The following GRID2 variants were observed in gnomAD, a reference collection of about 807,000 sequenced individuals.
GRID2 encodes the protein glutamate receptor ionotropic, delta-2.
A neutral mutation model predicts 114.8 loss-of-function variants in GRID2; 33 were observed. The observed-to-expected ratio is 0.29, with a 90% confidence interval of 0.22 to 0.38. GRID2 has a LOEUF of 0.38. Among genes scored for constraint, GRID2 ranks in the 10% least tolerant of loss-of-function variants. The pLI, the probability that GRID2 is intolerant of heterozygous loss-of-function variation, is 1.00. For synonymous variants in GRID2, 505 were observed against 449.9 expected, an observed-to-expected ratio of 1.12 and a Z score of -1.55; for missense variants, 1,184 against 1,257.7, an observed-to-expected ratio of 0.94 and a Z score of 0.89.
chr4:93,205,867 G>A (rs991782040), intron 4 of GRID2, among the ~76,000 whole-genome samples: 1 of 151,970 alleles, frequency 6.6e-6, no homozygotes. Flanking sequence ...CTGTGAGATG[G>A]TATCTCATTG....
At chr4:93,518,775 G>A (rs1372281115) in intron 13 of GRID2, among the ~76,000 whole-genome samples, 1 of 152,084 alleles carries the variant, frequency 6.6e-6, no homozygotes, top group Non-Finnish European at 1.5e-5. Flanking sequence ...GGAGAGGGGA[G>A]AGTATGTGTA....
At chr4:92,955,567 G>C (rs1752340919) in intron 2 of GRID2, among the ~76,000 whole-genome samples, 1 of 151,976 alleles carries the variant, frequency 6.6e-6, no homozygotes, top group Admixed American at 6.6e-5. Flanking sequence ...TTTGTAGGTT[G>C]CCTGTTCTCT....
chr4:92,350,921 T>A (rs878951931), intron 1 of GRID2, among the ~76,000 whole-genome samples: 9 of 151,882 alleles, frequency 5.9e-5, no homozygotes, highest in Non-Finnish European at 8.8e-5. Context: ...AATGGAATCA[T>A]ATAATACGTG....
intron 14 of GRID2, among the ~76,000 whole-genome samples, chr4:93,759,023 A>G (rs1041274719): frequency 5.3e-5 from 8 of 152,032 alleles, no homozygotes; most frequent in African/African-American, 1.9e-4. Flanking sequence ...GCTCTCTAGC[A>G]TCTTTCTGGC....
At chr4:92,774,886 A>G (rs772682021) in intron 2 of GRID2, among the ~76,000 whole-genome samples, 1 of 151,952 alleles carries the variant, frequency 6.6e-6, no homozygotes, top group Admixed American at 6.6e-5. Context: ...AAATTTTTCT[A>G]AATACTTTAG....
chr4:92,814,507 C>G (rs1248292906), intron 2 of GRID2, among the ~76,000 whole-genome samples: 1 of 152,042 alleles, frequency 6.6e-6, no homozygotes, highest in Non-Finnish European at 1.5e-5. Flanking sequence ...TGCTGAGGTG[C>G]TGGAACAGCA....
chr4:92,756,020 T>C (rs1737702925), intron 2 of GRID2, among the ~76,000 whole-genome samples: 1 of 152,144 alleles, frequency 6.6e-6, no homozygotes, highest in Non-Finnish European at 1.5e-5. Context: ...TGTTATTAAC[T>C]ATAGTCACCC....
chr4:93,066,603 C>A (rs758202077), intron 2 of GRID2, among the ~76,000 whole-genome samples: 2 of 151,806 alleles, frequency 1.3e-5, no homozygotes, highest in Non-Finnish European at 2.9e-5. Context: ...GTACAAATTT[C>A]TTTTTCTTTT....
chr4:92,535,358 CT>C (rs1725564843), intron 1 of GRID2, among the ~76,000 whole-genome samples: 1 of 152,124 alleles, frequency 6.6e-6, no homozygotes. Flanking sequence ...ACAATATTCT[CT>C]TTCCCCCAAG....
chr4:93,281,175 T>C (rs577787121), intron 8 of GRID2, among the ~76,000 whole-genome samples: 1 of 151,846 alleles, frequency 6.6e-6, no homozygotes, highest in African/African-American at 2.4e-5. Context: ...AGTCACAGTA[T>C]AACTAGAGAA....
At chr4:92,842,549 C>T (rs1276334316) in intron 2 of GRID2, among the ~76,000 whole-genome samples, 1 of 152,172 alleles carries the variant, frequency 6.6e-6, no homozygotes, top group African/African-American at 2.4e-5. Flanking sequence ...TAATATAATT[C>T]GTTCACAACA....
chr4:93,473,855 A>T (rs1211594455), intron 11 of GRID2, among the ~76,000 whole-genome samples: 1 of 152,124 alleles, frequency 6.6e-6, no homozygotes, highest in Non-Finnish European at 1.5e-5. Flanking sequence ...GTGCATAAAA[A>T]ATTTCTAAGT....
chr4:93,674,251 C>T (rs1053851695), intron 14 of GRID2, among the ~76,000 whole-genome samples: 4 of 152,080 alleles, frequency 2.6e-5, no homozygotes, highest in Non-Finnish European at 2.9e-5. Flanking sequence ...TACTCGTGAG[C>T]GTGAGATAAG....
intron 8 of GRID2, among the ~76,000 whole-genome samples, chr4:93,258,093 T>A (rs1749825803): frequency 6.6e-6 from 1 of 150,958 alleles, no homozygotes; most frequent in African/African-American, 2.4e-5. Flanking sequence ...CTGGTAATAC[T>A]ATAATCAATT....
At chr4:93,611,007 A>C (rs1313602243) in intron 13 of GRID2, among the ~76,000 whole-genome samples, 1 of 131,068 alleles carries the variant, frequency 7.6e-6, no homozygotes, top group Non-Finnish European at 1.6e-5. Flanking sequence ...TTATTGGTCT[A>C]TTCAGAGATT....
exon 2 of GRID2, chr4:93,806,981 A>T (rs1312226772): frequency 6.6e-6 from 1 of 152,252 alleles, no homozygotes; most frequent in East Asian, 1.9e-4. Context: ...TCCTAAATTA[A>T]AAACTCCTAT....
At chr4:93,335,967 G>C (rs556717517) in intron 8 of GRID2, among the ~76,000 whole-genome samples, 1 of 152,112 alleles carries the variant, frequency 6.6e-6, no homozygotes, top group Non-Finnish European at 1.5e-5. Flanking sequence ...GATTATAGGC[G>C]TGAGCCACCA....
intron 1 of GRID2, among the ~76,000 whole-genome samples, chr4:92,576,080 G>A (rs115799062): frequency 0.012 from 1,771 of 152,314 alleles, 29 homozygotes; most frequent in African/African-American, 0.04. Flanking sequence ...AACCAAGGTG[G>A]CAATCTGCCT....
chr4:93,323,986 T>C (rs1757542284), intron 8 of GRID2, among the ~76,000 whole-genome samples: 1 of 152,210 alleles, frequency 6.6e-6, no homozygotes, highest in South Asian at 2.1e-4. Context: ...AATCATGTCA[T>C]CTGCAAACAG....
Sources: allele counts gnomAD v4.1 joint callset (sites outside exome capture counted in the v4.1 genomes callset), GRCh38; gene constraint gnomAD v4.1.1; transcripts MANE v1.5; gene names NCBI Gene and HGNC (gene_info 2026-07-23, HGNC 2026-07-21).